Variants in ATR observed in about 807,000 individuals in gnomAD.
The protein encoded by ATR is ATR checkpoint kinase.
In ATR, 142 loss-of-function variants were observed where a neutral mutation model predicts 305.3. That is an observed-to-expected ratio of 0.47 (90% CI 0.41 to 0.53). The LOEUF is 0.53. ATR is among the 20% of genes least tolerant of loss of function. The probability of loss-of-function intolerance (pLI) is 0.00; values close to 1 mark genes in which losing one functional copy is unlikely to be tolerated. For synonymous variants in ATR, 1,050 were observed against 1,068.1 expected, an observed-to-expected ratio of 0.98 and a Z score of 0.33; for missense variants, 2,135 against 3,133.1, an observed-to-expected ratio of 0.68 and a Z score of 7.60.
rs2070964109 is a variant in ATR, at chr3:142,458,855, G to T, written c.7503+103C>A. 5 of 1,326,302 alleles carry T rather than the reference G, an allele frequency of 3.8e-6. No homozygotes were observed. In the Admixed American group the frequency reaches 7.6e-5, roughly 20 times the overall value. 82.2% of individuals were successfully genotyped at this position (1,326,302 alleles called of 1,614,324 possible). On this transcript the variant is annotated intron_variant, in intron 44 of 46. Coordinates refer to ENST00000350721, the MANE Select transcript of ATR (RefSeq NM_001184.4). ...AACAAATTCTCAGTATAACTCAACT[G>T]TGAGTATAACTGCTACTAACAGGTA... is the stretch of plus-strand genomic sequence containing the variant.
chr3:142,531,769 C>A (rs532095824), intron 21 of ATR, among the ~76,000 whole-genome samples: 1 of 152,070 alleles, frequency 6.6e-6, no homozygotes, highest in South Asian at 2.1e-4. Flanking sequence ...GGGTATATAC[C>A]CAGTAATGGG....
Position 142,528,879 on chromosome 3 carries a change from ATTTTTTTTTT to A in ATR, c.3946-4690_3946-4681del, listed in dbSNP as rs1170239080. 3.0e-4 allele frequency among the ~76,000 whole-genome samples: 9 copies of A among 30,486 alleles called. 1 individual carries two copies. In the South Asian group the frequency reaches 9.4e-3, roughly 32 times the overall value. 20.0% of individuals were successfully genotyped at this position (30,486 alleles called of 152,430 possible). ...CATATATATATATATATATATATAT[ATTTTTTTTTT>A]TTTTTTTTTTTTGAGGCAGAGTCTC... On this transcript the variant is annotated intron_variant, in intron 21 of 46. Transcript: ENST00000350721.
At chr3:142,487,608 T>C (rs2031023601) in intron 35 of ATR, among the ~76,000 whole-genome samples, 1 of 152,226 alleles carries the variant, frequency 6.6e-6, no homozygotes, top group Non-Finnish European at 1.5e-5. Context: ...ACTTCCAATA[T>C]AAAATCTACA....
intron 35 of ATR, among the ~76,000 whole-genome samples, chr3:142,489,202 C>T (rs1457748675): frequency 2.6e-5 from 4 of 152,082 alleles, no homozygotes; most frequent in Non-Finnish European, 5.9e-5. Context: ...GGTGTGGTGG[C>T]ATGTGCCTGT....
intron 1 of ATR, among the ~76,000 whole-genome samples, chr3:142,571,652 AAAT>A (rs1281097239): frequency 2.0e-5 from 3 of 152,206 alleles, no homozygotes; most frequent in Non-Finnish European, 4.4e-5. Context: ...AGTTACTTAT[AAAT>A]AATAGCATAT....
chr3:142,457,214 C>A (rs2070926921), intron 45 of ATR, among the ~76,000 whole-genome samples: 1 of 151,890 alleles, frequency 6.6e-6, no homozygotes, highest in Non-Finnish European at 1.5e-5. Flanking sequence ...TAGATGATTC[C>A]ATTTATATGA....
At chr3:142,462,116 A>G (rs1184736451) in intron 41 of ATR, 26 bp from the exon 42 acceptor site, 1 of 1,597,754 alleles carries the variant, frequency 6.3e-7, no homozygotes, top group South Asian at 1.1e-5. Context: ...CATAAATTTA[A>G]AAACAAGATA....
chr3:142,452,609 G>C, intron 46 of ATR: 2 of 827,986 alleles, frequency 2.4e-6, no homozygotes, highest in Non-Finnish European at 2.9e-6. Flanking sequence ...AGGAGGCAGA[G>C]GTTGCCGTGA....
intron 31 of ATR, chr3:142,499,222 A>C (rs2031816122): frequency 2.9e-6 from 1 of 348,640 alleles, no homozygotes; most frequent in Non-Finnish European, 5.5e-6. Flanking sequence ...GGCAATCATA[A>C]AACAGGCTAA....
rs868097386 is a variant in ATR at position 142,555,754 on chromosome 3, C to A, written c.2341+123G>T. The A allele has an allele frequency of 7.8e-5, 93 of 1,192,000 alleles. No homozygotes were observed. In the Middle Eastern group the frequency reaches 2.6e-3, roughly 34 times the overall value. The allele number at this position is 1,192,000 out of a possible 1,614,324, so 73.8% of individuals were successfully genotyped here. On this transcript the variant is annotated intron_variant, in intron 10 of 46. Transcript: ENST00000350721. Reference sequence around the variant, plus strand: ...CCATTTATAACTAATCAATACTGAGCACTGAATCTATAAAGCATGTAACTT... The same window carrying A: ...CCATTTATAACTAATCAATACTGAGAACTGAATCTATAAAGCATGTAACTT...
intron 13 of ATR, 142 bp downstream of exon 13, chr3:142,553,085 T>C: frequency 9.1e-7 from 1 of 1,099,882 alleles, no homozygotes; most frequent in Non-Finnish European, 1.3e-6. Flanking sequence ...CTCTACATGC[T>C]GCAATATACC....
intron 1 of ATR, among the ~76,000 whole-genome samples, chr3:142,571,217 G>A (rs935145571): frequency 1.3e-5 from 2 of 152,150 alleles, no homozygotes; most frequent in East Asian, 1.9e-4. Flanking sequence ...CCTGTAATAC[G>A]AGCATTTTGG....
At chr3:142,514,053 A>T (rs1352438864) in intron 25 of ATR, among the ~76,000 whole-genome samples, 2 of 150,912 alleles carry the variant, frequency 1.3e-5, no homozygotes, top group Non-Finnish European at 3.0e-5. Flanking sequence ...GAGGATCACG[A>T]GGTCAAGAGA....
Position 142,550,131 on chromosome 3 carries a change from C to G in ATR, c.2976+1G>C. 6.2e-7 allele frequency: 1 copy of G among 1,613,962 alleles called. No homozygotes were observed. Among genetic ancestry groups the G allele is most frequent in the Non-Finnish European group, 8.5e-7 (1 of 1,179,910 alleles). On this transcript the variant is annotated splice_donor_variant, in intron 14 of 46. Coordinates refer to ENST00000350721, the MANE Select transcript of ATR (RefSeq NM_001184.4). LOFTEE classifies it high-confidence loss of function. ...CAAGTGAACTATATGTTGCAACTTA[C>G]AGTAAGAAAACGATTAAGATCAGGA...
rs2108483143 is a variant in ATR at position 142,560,394 on chromosome 3, A to G, written c.1410T>C (p.Ala470=). Residue 470 remains alanine, a synonymous_variant, in exon 6 of 47, where the codon GCT becomes GCC. Transcript: ENST00000350721. The stretch of plus-strand genomic sequence containing the variant: ...ATTCAAGGGAAATCTGAAGGGATTC[A>G]GCTTTCTGTTTCAGTGCACTCCATA... ...SILWSALKQK[A]ESLQISLEYS... The G allele has an allele frequency of 6.2e-7, 1 of 1,613,848 alleles. No homozygotes were observed. Among genetic ancestry groups the G allele is most frequent in the Non-Finnish European group, 8.5e-7 (1 of 1,179,814 alleles).
intron 1 of ATR, among the ~76,000 whole-genome samples, chr3:142,574,458 CAAAAAAAA>C (rs59441794): frequency 1.7e-3 from 197 of 114,628 alleles, no homozygotes; most frequent in East Asian, 0.015. Context: ...GAGCCAGTCT[CAAAAAAAA>C]AAAAAAAAAA....
chr3:142,500,675 T>C (rs1411008548), intron 30 of ATR, among the ~76,000 whole-genome samples: 2 of 152,206 alleles, frequency 1.3e-5, no homozygotes, highest in Non-Finnish European at 2.9e-5. Context: ...AGTTTCATTT[T>C]TAAAAATTCT....
intron 1 of ATR, 69 bp from the exon 2 acceptor site, chr3:142,568,223 A>T: frequency 8.5e-7 from 1 of 1,181,658 alleles, no homozygotes; most frequent in Non-Finnish European, 1.3e-6. Flanking sequence ...AAATTTCTCT[A>T]AAGTAGAACT....
At chr3:142,452,492 T>A in intron 46 of ATR, 1 of 700,756 alleles carries the variant, frequency 1.4e-6, no homozygotes, top group Non-Finnish European at 1.8e-6. Context: ...CTGGCCAACA[T>A]GGTGAAACCC....
Sources: gnomAD v4.1 joint callset for allele counts (sites outside exome capture counted in the v4.1 genomes callset) on GRCh38, gnomAD v4.1.1 for gene constraint, MANE v1.5 for transcripts, NCBI Gene and HGNC (gene_info 2026-07-23, HGNC 2026-07-21) for gene names.